ATG5: variants seen among roughly 807,000 people sequenced by gnomAD.
ATG5 encodes autophagy related 5.
A neutral mutation model predicts 36.5 loss-of-function variants in ATG5; 14 were observed. That is an observed-to-expected ratio of 0.38 (90% CI 0.25 to 0.60). The LOEUF (loss-of-function observed/expected upper bound fraction) is 0.60, where lower values mean the gene tolerates loss of function less well. Ranked by LOEUF, ATG5 falls within the 20% of genes least tolerant of loss-of-function variation. The pLI, the probability that ATG5 is intolerant of heterozygous loss-of-function variation, is 0.60. For missense variants in ATG5, 195 were observed against 326.7 expected, an observed-to-expected ratio of 0.60 and a Z score of 3.11; for synonymous variants, 95 against 101.5, an observed-to-expected ratio of 0.94 and a Z score of 0.38.
chr6:106,227,197 C>A (rs1339326481), intron 6 of ATG5, among the ~76,000 whole-genome samples: 1 of 152,146 alleles, frequency 6.6e-6, no homozygotes, highest in Non-Finnish European at 1.5e-5. Flanking sequence ...TCAAAACAGG[C>A]AAGGGACTTA....
chr6:106,318,315 A>C (rs891877473), intron 1 of ATG5, among the ~76,000 whole-genome samples: 1 of 152,158 alleles, frequency 6.6e-6, no homozygotes, highest in African/African-American at 2.4e-5. Context: ...CTAGGCTGCC[A>C]GACGAGAACC....
At chr6:106,229,273 A>G (rs1777572891) in intron 6 of ATG5, among the ~76,000 whole-genome samples, 1 of 152,192 alleles carries the variant, frequency 6.6e-6, no homozygotes, top group South Asian at 2.1e-4. Flanking sequence ...GTCCCTCCTG[A>G]TTTAGGTATA....
At chr6:106,287,789 A>T (rs184708785) in intron 4 of ATG5, among the ~76,000 whole-genome samples, 258 of 152,204 alleles carry the variant, frequency 1.7e-3, no homozygotes, top group African/African-American at 5.9e-3. Flanking sequence ...GAGAGAAAAA[A>T]TTTTTTTAAT....
intron 5 of ATG5, among the ~76,000 whole-genome samples, chr6:106,262,224 C>A (rs1159127432): frequency 1.3e-5 from 2 of 152,162 alleles, no homozygotes; most frequent in Non-Finnish European, 2.9e-5. Flanking sequence ...AGGCGTGTGC[C>A]ATGCCTAATT....
Position 106,279,828 on chromosome 6 carries a change from CA to C in ATG5, c.316-6del, listed in dbSNP as rs932865329. 8.1e-6 allele frequency: 12 copies of C among 1,478,800 alleles called. No individual in the cohort carries two copies. The African/African-American group carries it at 1.4e-4, about 18-fold the overall frequency. 91.6% of individuals were successfully genotyped at this position (1,478,800 alleles called of 1,614,324 possible). On this transcript the variant is annotated splice_region_variant and splice_polypyrimidine_tract_variant and intron_variant, in intron 4 of 7. Coordinates refer to ENST00000369076, the MANE Select transcript of ATG5 (RefSeq NM_004849.4). The stretch of plus-strand genomic sequence containing the variant: ...AAGGTCTTTTTCTGGAAAACTCTAT[CA>C]AAGGAAAAAATATACATATAAAACA...
intron 3 of ATG5, among the ~76,000 whole-genome samples, chr6:106,298,003 C>T (rs186995998): frequency 2.5e-4 from 36 of 146,724 alleles, no homozygotes; most frequent in Admixed American, 2.1e-3. Context: ...CTCGTTCTGT[C>T]GCCCAGGATG....
intron 3 of ATG5, among the ~76,000 whole-genome samples, chr6:106,300,523 G>C (rs981338828): frequency 3.9e-5 from 6 of 152,098 alleles, no homozygotes; most frequent in African/African-American, 1.4e-4. Context: ...ACATGGATAT[G>C]TTCCGAGAAA....
intron 6 of ATG5, among the ~76,000 whole-genome samples, chr6:106,226,032 C>A (rs139657318): frequency 1.3e-5 from 2 of 152,222 alleles, no homozygotes; most frequent in East Asian, 1.9e-4. Flanking sequence ...TAAACTCTCA[C>A]CTATGGGAAA....
intron 5 of ATG5, among the ~76,000 whole-genome samples, chr6:106,274,148 G>GT: frequency 6.6e-6 from 1 of 151,906 alleles, no homozygotes; most frequent in African/African-American, 2.4e-5. Flanking sequence ...ACTAAGTCAT[G>GT]GTAAAAACAT....
chr6:106,251,023 G>A (rs982497594), intron 5 of ATG5, among the ~76,000 whole-genome samples: 1 of 152,218 alleles, frequency 6.6e-6, no homozygotes, highest in African/African-American at 2.4e-5. Context: ...CAGGAGCCTG[G>A]CCCAGGGTTA....
Position 106,240,197 on chromosome 6 carries a change from GA to G in ATG5, c.573+7952del, listed in dbSNP as rs1264929217. Among the ~76,000 whole-genome samples, 12 of 151,250 alleles carry G rather than the reference GA, an allele frequency of 7.9e-5. No individual in the cohort carries two copies. In the South Asian group the frequency reaches 2.5e-3, roughly 32 times the overall value. On this transcript the variant is annotated intron_variant, in intron 6 of 7. Transcript: ENST00000369076. ...GAGAAAGAAATCCACATACTACTAA[GA>G]AAAAGAAGGGCATATTTGATATATA...
At chr6:106,203,821 T>G (rs1776527604) in intron 6 of ATG5, among the ~76,000 whole-genome samples, 1 of 152,174 alleles carries the variant, frequency 6.6e-6, no homozygotes, top group African/African-American at 2.4e-5. Flanking sequence ...GAATATGACT[T>G]CAAACACTTA....
intron 6 of ATG5, 140 bp from the exon 7 acceptor site, chr6:106,202,229 G>A: frequency 3.7e-6 from 2 of 542,240 alleles, no homozygotes; most frequent in South Asian, 2.9e-5. Context: ...TCACAGATGT[G>A]GTATCACTGT....
At chr6:106,280,619 C>A (rs1779841406) in intron 4 of ATG5, among the ~76,000 whole-genome samples, 1 of 152,052 alleles carries the variant, frequency 6.6e-6, no homozygotes, top group Admixed American at 6.6e-5. Flanking sequence ...ACGACTGATG[C>A]ACTTTTCACT....
intron 2 of ATG5, among the ~76,000 whole-genome samples, chr6:106,308,949 T>G (rs1193917270): frequency 6.6e-6 from 1 of 152,152 alleles, no homozygotes; most frequent in Non-Finnish European, 1.5e-5. Context: ...TTTTGAAGGC[T>G]GAGAGAGAAT....
chr6:106,213,679 T>C (rs1031220550), intron 6 of ATG5, among the ~76,000 whole-genome samples: 20 of 152,092 alleles, frequency 1.3e-4, no homozygotes, highest in African/African-American at 4.8e-4. Flanking sequence ...TCAAATGTAG[T>C]GGAAATAACA....
intron 5 of ATG5, among the ~76,000 whole-genome samples, chr6:106,264,793 T>C (rs1779165003): frequency 6.6e-6 from 1 of 152,072 alleles, no homozygotes; most frequent in Admixed American, 6.5e-5. Context: ...AAGCAAATGC[T>C]AAGGGATTTT....
intron 6 of ATG5, among the ~76,000 whole-genome samples, chr6:106,232,141 C>A (rs1416913839): frequency 6.6e-6 from 1 of 152,180 alleles, no homozygotes; most frequent in Admixed American, 6.5e-5. Flanking sequence ...CCAGCCCATG[C>A]CATCACCCTC....
chr6:106,292,940 A>C, intron 4 of ATG5, 88 bp downstream of exon 4: 1 of 1,056,250 alleles, frequency 9.5e-7, no homozygotes, highest in Non-Finnish European at 1.4e-6. Context: ...AAAAGCAATA[A>C]ATAACTTCAC....
Sources: allele counts gnomAD v4.1 joint callset (sites outside exome capture counted in the v4.1 genomes callset), GRCh38; gene constraint gnomAD v4.1.1; transcripts MANE v1.5; gene names NCBI Gene and HGNC (gene_info 2026-07-23, HGNC 2026-07-21).